BTRC: variants seen among roughly 807,000 people sequenced by gnomAD.
BTRC encodes the protein beta-transducin repeat containing E3 ubiquitin protein ligase.
In BTRC, 42 loss-of-function variants were observed where a neutral mutation model predicts 85.5. That is an observed-to-expected ratio of 0.49 (90% confidence interval 0.38 to 0.64). The LOEUF is 0.64. BTRC is among the 30% of genes least tolerant of loss of function. The pLI is 0.00. For missense variants in BTRC, 594 were observed against 743.5 expected (o/e 0.80, Z 2.34); for synonymous variants, 255 against 263.3 (o/e 0.97, Z 0.30).
intron 2 of BTRC, among the ~76,000 whole-genome samples, chr10:101,451,483 G>A (rs1944953819): frequency 6.6e-6 from 1 of 152,162 alleles, no homozygotes; most frequent in Admixed American, 6.5e-5. Context: ...TACTGAATGT[G>A]TCATGCGCTT....
At chr10:101,442,711 GT>G (rs1380274058) in intron 2 of BTRC, among the ~76,000 whole-genome samples, 3 of 151,900 alleles carry the variant, frequency 2.0e-5, no homozygotes, top group Non-Finnish European at 2.9e-5. Flanking sequence ...AGGAATTAAC[GT>G]TTTTGAAATG....
chr10:101,448,780 G>C (rs952211410), intron 2 of BTRC, among the ~76,000 whole-genome samples: 2 of 151,928 alleles, frequency 1.3e-5, no homozygotes, highest in Admixed American at 6.6e-5. Flanking sequence ...ACCATTTTAA[G>C]AGGAAAGCAA....
At chr10:101,385,615 C>CTTTTTTTTTTTTTTTTTTTTTTTTTT (rs146804594) in intron 1 of BTRC, among the ~76,000 whole-genome samples, 4 of 48,906 alleles carry the variant, frequency 8.2e-5, no homozygotes, top group East Asian at 3.9e-4. Context: ...CTTTCTTCTT[C>CTTTTTTTTTTTTTTTTTTTTTTTTTT]TTCTTTTTTT....
At chr10:101,371,544 G>A (rs1365979493) in intron 1 of BTRC, among the ~76,000 whole-genome samples, 1 of 152,118 alleles carries the variant, frequency 6.6e-6, no homozygotes, top group African/African-American at 2.4e-5. Flanking sequence ...TACAGTGTTT[G>A]CCTTTTTGTG....
intron 1 of BTRC, among the ~76,000 whole-genome samples, chr10:101,422,426 G>A (rs564411747): frequency 1.2e-4 from 18 of 152,258 alleles, no homozygotes; most frequent in Admixed American, 7.8e-4. Context: ...TAGGTTGCCT[G>A]TTCACTCTGA....
chr10:101,534,646 A>T lies in BTRC; in HGVS notation c.1098-15A>T, dbSNP rs1489301005. ...GTAGCTTGAGTACCATCTAAATCTC[A>T]TCTATCACTTCCAGAGTGTGGGATG... On this transcript the variant is annotated splice_polypyrimidine_tract_variant and intron_variant, in intron 9 of 14. Transcript: ENST00000370187. The T allele has an allele frequency of 6.2e-7, 1 of 1,613,726 alleles. No homozygotes were observed. The highest frequency in any genetic ancestry group is 1.3e-5 in the African/African-American group (1 of 75,038).
At chr10:101,454,663 T>A (rs1945029796) in intron 2 of BTRC, among the ~76,000 whole-genome samples, 1 of 152,102 alleles carries the variant, frequency 6.6e-6, no homozygotes, top group South Asian at 2.1e-4. Flanking sequence ...ATACCTGTAG[T>A]CTTAGCTAGT....
intron 1 of BTRC, among the ~76,000 whole-genome samples, chr10:101,354,844 T>C (rs908334878): frequency 6.6e-6 from 1 of 152,080 alleles, no homozygotes; most frequent in African/African-American, 2.4e-5. Context: ...TGACAAACTC[T>C]GGAAGGGAAG....
chr10:101,533,107 A>G (rs370611925), intron 9 of BTRC, 37 bp downstream of exon 9: 13 of 1,423,698 alleles, frequency 9.1e-6, no homozygotes, highest in African/African-American at 1.4e-5. Flanking sequence ...ACTCTGAAAT[A>G]TCAGCTCTGC....
intron 1 of BTRC, among the ~76,000 whole-genome samples, chr10:101,422,110 C>T (rs1944118595): frequency 6.6e-6 from 1 of 152,224 alleles, no homozygotes; most frequent in Admixed American, 6.5e-5. Context: ...TGTTCCTCTT[C>T]TCCACATCCT....
chr10:101,373,860 A>G (rs1442740874), intron 1 of BTRC, among the ~76,000 whole-genome samples: 3 of 151,796 alleles, frequency 2.0e-5, no homozygotes, highest in East Asian at 1.9e-4. Flanking sequence ...GGAGTTTGCA[A>G]TGAGCCGAGA....
chr10:101,437,792 C>T (rs1244116339), intron 2 of BTRC, among the ~76,000 whole-genome samples: 1 of 152,160 alleles, frequency 6.6e-6, no homozygotes, highest in Non-Finnish European at 1.5e-5. Context: ...CCCAAAGGTG[C>T]AGTGTGTTCT....
At chr10:101,481,979 A>G (rs2134232400) in intron 4 of BTRC, among the ~76,000 whole-genome samples, 1 of 152,316 alleles carries the variant, frequency 6.6e-6, no homozygotes, top group East Asian at 1.9e-4. Context: ...TTCTTGCAAC[A>G]GTCTCCAGTG....
At position 101,545,102 on chromosome 10, in the gene BTRC, A is replaced by G. The variant is rs547075057; in HGVS notation, c.1657-5597A>G. Among the ~76,000 whole-genome samples the G allele has an allele frequency of 9.7e-4, 147 of 152,154 alleles. 1 individual carries two copies. Among genetic ancestry groups the G allele is most frequent in the African/African-American group, 3.4e-3 (142 of 41,530 alleles). ...ATTGACAGTGTCTTTCAGCACTTTAATGATGTCATTCCATTTTCTTCTGGC... is the reference window on the plus strand; with the variant it reads ...ATTGACAGTGTCTTTCAGCACTTTAGTGATGTCATTCCATTTTCTTCTGGC... On this transcript the variant is annotated intron_variant, in intron 13 of 14. Coordinates refer to ENST00000370187, the MANE Select transcript of BTRC (RefSeq NM_033637.4).
chr10:101,439,796 A>C (rs1002960256), intron 2 of BTRC, among the ~76,000 whole-genome samples: 1 of 152,210 alleles, frequency 6.6e-6, no homozygotes, highest in Admixed American at 6.5e-5. Flanking sequence ...GGAACACCCT[A>C]TTGTAAGGAA....
chr10:101,490,097 C>T (rs1438178810), intron 4 of BTRC, among the ~76,000 whole-genome samples: 1 of 130,348 alleles, frequency 7.7e-6, no homozygotes, highest in Non-Finnish European at 1.8e-5. Context: ...TTTTCTCTCC[C>T]ACCCCCATTT....
chr10:101,444,714 G>A (rs1297151385), intron 2 of BTRC, among the ~76,000 whole-genome samples: 1 of 152,208 alleles, frequency 6.6e-6, no homozygotes, highest in East Asian at 1.9e-4. Context: ...TTCTAGTGGT[G>A]AGTGTAGAAT....
chr10:101,464,789 C>A (rs1161273384), intron 3 of BTRC, among the ~76,000 whole-genome samples: 1 of 152,150 alleles, frequency 6.6e-6, no homozygotes, highest in Non-Finnish European at 1.5e-5. Flanking sequence ...GTTTTAGCAG[C>A]CCCATGAATG....
intron 3 of BTRC, among the ~76,000 whole-genome samples, chr10:101,473,507 G>C (rs1190047038): frequency 9.6e-6 from 1 of 103,858 alleles, no homozygotes; most frequent in Non-Finnish European, 1.8e-5. Context: ...ATCTCAATCT[G>C]TTGCCCAGGC....
Sources: gnomAD v4.1 joint callset for allele counts (sites outside exome capture counted in the v4.1 genomes callset) on GRCh38, gnomAD v4.1.1 for gene constraint, MANE v1.5 for transcripts, NCBI Gene and HGNC (gene_info 2026-07-23, HGNC 2026-07-21) for gene names.